Variants in ATG7 observed in about 807,000 individuals in gnomAD.
The protein encoded by ATG7 is ubiquitin-like modifier-activating enzyme ATG7.
ATG7 carries 70 observed loss-of-function variants against 82.4 expected under a neutral mutation model. The observed-to-expected ratio is 0.85, with a 90% confidence interval of 0.70 to 1.04. ATG7 has a LOEUF of 1.04. ATG7 is among the 50% of genes least tolerant of loss of function. The probability of loss-of-function intolerance (pLI) is 0.00; values close to 1 mark genes in which losing one functional copy is unlikely to be tolerated. For synonymous variants in ATG7, 287 were observed against 313.0 expected, an observed-to-expected ratio of 0.92 and a Z score of 0.88; for missense variants, 792 against 864.3, an observed-to-expected ratio of 0.92 and a Z score of 1.05.
chr3:11,327,325 G>A (rs1951022365), intron 9 of ATG7, among the ~76,000 whole-genome samples: 1 of 152,172 alleles, frequency 6.6e-6, no homozygotes, highest in African/African-American at 2.4e-5. Context: ...TCTTACAATT[G>A]TGTATATTTA....
the ATG7 span, among the ~76,000 whole-genome samples, chr3:11,572,043 G>T: frequency 6.6e-6 from 1 of 151,914 alleles, no homozygotes; most frequent in Non-Finnish European, 1.5e-5. Context: ...GGAGATGGAG[G>T]TTGCAGTGAG....
At chr3:11,434,659 T>C (rs900718944) in intron 20 of ATG7, among the ~76,000 whole-genome samples, 1 of 152,236 alleles carries the variant, frequency 6.6e-6, no homozygotes, top group African/African-American at 2.4e-5. Flanking sequence ...CAGAGTTATC[T>C]ACATGAATTT....
In ATG7 at chr3:11,554,796, C is replaced by G; in HGVS notation, c.2080-15C>G. 1 of 1,613,270 alleles carries G rather than the reference C, an allele frequency of 6.2e-7. No individual in the cohort carries two copies. The highest frequency in any genetic ancestry group is 8.5e-7 in the Non-Finnish European group (1 of 1,179,630). ...GTGGGACATCTCGGCTGAGCCTCTC[C>G]CCTTCTCCATGCAGATCTGGGACAT... On this transcript the variant is annotated splice_polypyrimidine_tract_variant and intron_variant, in intron 20 of 20. Coordinates refer to ENST00000693202, the MANE Select transcript of ATG7 (RefSeq NM_001349232.2).
chr3:11,481,594 A>C (rs1239148307), intron 20 of ATG7, among the ~76,000 whole-genome samples: 1 of 152,230 alleles, frequency 6.6e-6, no homozygotes, highest in East Asian at 1.9e-4. Flanking sequence ...CATCAGAAAT[A>C]AGAGCAGGAT....
At chr3:11,558,014 CCCTCAG>C (rs2072599168), downstream of ATG7, 1 of 155,652 alleles carries the variant, frequency 6.4e-6, no homozygotes, top group Admixed American at 6.3e-5. Flanking sequence ...CAGCAGTTTG[CCCTCAG>C]AGTTCTGGCA....
intron 3 of ATG7, among the ~76,000 whole-genome samples, chr3:11,284,960 C>A (rs1943718093): frequency 6.6e-6 from 1 of 151,462 alleles, no homozygotes; most frequent in African/African-American, 2.4e-5. Flanking sequence ...CATTCTCCTG[C>A]CTCAGCCTCC....
chr3:11,363,153 G>A lies in ATG7; in HGVS notation c.1799+225G>A, dbSNP rs1195536982. The A allele has an allele frequency of 1.2e-5, 6 of 480,470 alleles. No homozygotes were observed. In the Admixed American group the frequency reaches 2.1e-4, roughly 17 times the overall value. 29.8% of individuals were successfully genotyped at this position (480,470 alleles called of 1,614,324 possible). A position where few individuals can be genotyped will look rare whatever the true frequency, so the allele number is the denominator to read the frequency against. The stretch of plus-strand genomic sequence containing the variant: ...GCATCTTTCCGGACAAAGTCACTAT[G>A]GTTTATTTTATTTTTCCAACGCTTA... On this transcript the variant is annotated intron_variant, in intron 17 of 20. Coordinates refer to ENST00000693202, the MANE Select transcript of ATG7 (RefSeq NM_001349232.2).
chr3:11,339,295 CAA>C (rs1036935586), intron 11 of ATG7, among the ~76,000 whole-genome samples: 6 of 89,690 alleles, frequency 6.7e-5, no homozygotes, highest in Admixed American at 3.6e-4. Context: ...GACTCTGTTT[CAA>C]AAAAAAAAAA....
At chr3:11,447,359 C>T (rs1164086202) in intron 20 of ATG7, among the ~76,000 whole-genome samples, 1 of 151,654 alleles carries the variant, frequency 6.6e-6, no homozygotes, top group African/African-American at 2.4e-5. Context: ...CCCAACTACT[C>T]AGGAGGCTGC....
chr3:11,331,485 C>T (rs1951642593), intron 10 of ATG7, 57 bp downstream of exon 10: 13 of 1,344,426 alleles, frequency 9.7e-6, no homozygotes, highest in Non-Finnish European at 1.4e-5. Context: ...ATATGTTTTA[C>T]AATGTGTCTG....
chr3:11,519,646 C>G (rs533850571), intron 20 of ATG7, among the ~76,000 whole-genome samples: 138 of 147,090 alleles, frequency 9.4e-4, no homozygotes, highest in Admixed American at 3.0e-3. Flanking sequence ...TGCAAGCTCC[C>G]CCTCCCAGAT....
intron 18 of ATG7, among the ~76,000 whole-genome samples, chr3:11,368,846 T>A (rs1015169769): frequency 6.6e-6 from 1 of 151,030 alleles, no homozygotes; most frequent in African/African-American, 2.4e-5. Context: ...GCAGTTCACA[T>A]CTTTTGTCTT....
intron 19 of ATG7, among the ~76,000 whole-genome samples, chr3:11,380,546 T>C (rs531772548): frequency 6.6e-6 from 1 of 152,294 alleles, no homozygotes; most frequent in South Asian, 2.1e-4. Flanking sequence ...GCTCTAAAAA[T>C]AGAGCTGGTA....
chr3:11,281,779 A>G (rs1943093376), intron 2 of ATG7, among the ~76,000 whole-genome samples: 1 of 151,678 alleles, frequency 6.6e-6, no homozygotes, highest in Non-Finnish European at 1.5e-5. Flanking sequence ...CATCTCAAAA[A>G]AAAAAAAAAA....
At position 11,309,250 on chromosome 3, in the gene ATG7, A is replaced by T. The variant is rs140249943; in HGVS notation, c.411+189A>T. On this transcript the variant is annotated intron_variant, in intron 7 of 20. Coordinates refer to ENST00000693202, the MANE Select transcript of ATG7 (RefSeq NM_001349232.2). ...GGCACCTATTACCAATGCTAACTTA[A>T]TTCACCCCTATGGATCATACTGGCA... is the stretch of plus-strand genomic sequence containing the variant. Among the ~76,000 whole-genome samples, 543 of 152,292 alleles carry T rather than the reference A, an allele frequency of 3.6e-3. 5 individuals are homozygous for T. The highest frequency in any genetic ancestry group is 0.01 in the Middle Eastern group (3 of 294).
At chr3:11,565,068 G>A in the ATG7 span, 3 of 1,445,186 alleles carry the variant, frequency 2.1e-6, no homozygotes, top group Middle Eastern at 1.8e-4. The surrounding 1 kb of genome is among the most constrained non-coding windows in gnomAD (Gnocchi z 4.1). Flanking sequence ...AAAGGCAAAG[G>A]GGACAGTGAC....
chr3:11,536,408 C>T (rs903124426), intron 20 of ATG7, among the ~76,000 whole-genome samples: 23 of 152,338 alleles, frequency 1.5e-4, no homozygotes, highest in African/African-American at 4.8e-4. Context: ...ACCTGGCCAG[C>T]GCCCTGTTCC....
rs1254484975 is a variant in ATG7 at position 11,554,848 on chromosome 3, G to T, written c.*5G>T. The T allele has an allele frequency of 6.2e-7, 1 of 1,612,584 alleles. No homozygotes were observed. On this transcript the variant is annotated 3_prime_UTR_variant, in exon 21 of 21. Transcript: ENST00000693202. ...AGCGATGATGAGACCATCTGAGATG[G>T]CCCCGCTGTGGGGCTGACTTCTCCC...
chr3:11,319,012 A>G (rs1286871857), intron 9 of ATG7, among the ~76,000 whole-genome samples: 2 of 152,184 alleles, frequency 1.3e-5, no homozygotes, highest in African/African-American at 2.4e-5. Flanking sequence ...CCTGTGAGCA[A>G]CTTTAGCACA....
Sources: allele counts gnomAD v4.1 joint callset (sites outside exome capture counted in the v4.1 genomes callset), GRCh38; gene constraint gnomAD v4.1.1; non-coding constraint Gnocchi (gnomAD v3.1); transcripts MANE v1.5; gene names NCBI Gene and HGNC (gene_info 2026-07-23, HGNC 2026-07-21).